PPARGC1A: variants seen among roughly 807,000 people sequenced by gnomAD.
The protein encoded by PPARGC1A is PPARG coactivator 1 alpha, also known as peroxisome proliferator-activated receptor gamma coactivator 1-alpha.
In PPARGC1A, 25 loss-of-function variants were observed where a neutral mutation model predicts 88.7. That is an observed-to-expected ratio of 0.28 (90% confidence interval 0.21 to 0.39). PPARGC1A has a LOEUF of 0.39. PPARGC1A is among the 10% of genes least tolerant of loss of function. The pLI, the probability that PPARGC1A is intolerant of heterozygous loss-of-function variation, is 1.00. For synonymous variants in PPARGC1A, 363 were observed against 355.6 expected (o/e 1.02, Z -0.24); for missense variants, 880 against 968.7 (o/e 0.91, Z 1.22).
chr4:24,292,249 G>A, the PPARGC1A span, among the ~76,000 whole-genome samples: 9 of 152,072 alleles, frequency 5.9e-5, no homozygotes, highest in Non-Finnish European at 1.2e-4. Context: ...CACTGCGAGC[G>A]AGAACTCTCG....
At chr4:23,992,081 T>A in the PPARGC1A span, among the ~76,000 whole-genome samples, 3 of 152,144 alleles carry the variant, frequency 2.0e-5, no homozygotes, top group East Asian at 3.9e-4. Context: ...TAAATAATTA[T>A]TGCATCAATT....
At chr4:24,460,332 T>C in the PPARGC1A span, among the ~76,000 whole-genome samples, 1 of 152,190 alleles carries the variant, frequency 6.6e-6, no homozygotes, top group Non-Finnish European at 1.5e-5. Context: ...TCTTCCACCA[T>C]AATGATAATG....
chr4:24,006,464 A>G, the PPARGC1A span, among the ~76,000 whole-genome samples: 4 of 152,344 alleles, frequency 2.6e-5, no homozygotes, highest in African/African-American at 7.2e-5. Flanking sequence ...ATGACTTTGC[A>G]ATTTATGAGT....
the PPARGC1A span, among the ~76,000 whole-genome samples, chr4:24,215,865 T>C: frequency 1.2e-4 from 19 of 152,166 alleles, no homozygotes; most frequent in African/African-American, 3.9e-4. Context: ...TGCTCTCCTA[T>C]AGAGAGGGCA....
the PPARGC1A span, among the ~76,000 whole-genome samples, chr4:24,465,020 T>C: frequency 3.9e-5 from 6 of 152,216 alleles, no homozygotes; most frequent in African/African-American, 1.4e-4. Flanking sequence ...GCACACGCCA[T>C]CACACCTGGT....
the PPARGC1A span, among the ~76,000 whole-genome samples, chr4:24,405,324 C>G: frequency 6.6e-6 from 1 of 151,924 alleles, no homozygotes; most frequent in Non-Finnish European, 1.5e-5. Context: ...TCCCCTCCCC[C>G]CAAAAAGTTT....
chr4:24,350,932 C>T, the PPARGC1A span, among the ~76,000 whole-genome samples: 1 of 151,966 alleles, frequency 6.6e-6, no homozygotes, highest in East Asian at 1.9e-4. Context: ...GAGTTAGAGA[C>T]CAGCCTGGAT....
the PPARGC1A span, among the ~76,000 whole-genome samples, chr4:24,190,626 A>G: frequency 6.6e-6 from 1 of 152,212 alleles, no homozygotes; most frequent in Non-Finnish European, 1.5e-5. Flanking sequence ...ACTAGGTTTT[A>G]TTATTCCCAC....
chr4:24,302,396 G>T, the PPARGC1A span, among the ~76,000 whole-genome samples: 1 of 152,180 alleles, frequency 6.6e-6, no homozygotes, highest in South Asian at 2.1e-4. Context: ...TCCCTTCGCA[G>T]GCTGTGGTTA....
the PPARGC1A span, among the ~76,000 whole-genome samples, chr4:24,151,187 G>A: frequency 6.6e-6 from 1 of 152,184 alleles, no homozygotes; most frequent in Admixed American, 6.5e-5. Flanking sequence ...GACAAAAACT[G>A]GGTACCTAGT....
the PPARGC1A span, among the ~76,000 whole-genome samples, chr4:24,009,150 A>AAAGAGAG: frequency 1.5e-4 from 12 of 79,806 alleles, no homozygotes; most frequent in Admixed American, 2.9e-4. Context: ...AAAAAAAAAA[A>AAAGAGAG]AGAGAGAGAA....
chr4:23,901,357 A>C (rs1477354631), upstream of PPARGC1A, among the ~76,000 whole-genome samples: 1 of 144,754 alleles, frequency 6.9e-6, no homozygotes, highest in Non-Finnish European at 1.5e-5. Flanking sequence ...GCGACACAGC[A>C]AGACTCCGTC....
the PPARGC1A span, among the ~76,000 whole-genome samples, chr4:24,308,713 G>C: frequency 6.6e-6 from 1 of 152,196 alleles, no homozygotes; most frequent in South Asian, 2.1e-4. Context: ...AACAATTTGA[G>C]GTTGTGCATA....
the PPARGC1A span, among the ~76,000 whole-genome samples, chr4:24,254,709 T>TGATGC: frequency 6.6e-6 from 1 of 152,322 alleles, no homozygotes; most frequent in Non-Finnish European, 1.5e-5. Context: ...CTGCTGATGC[T>TGATGC]TTTCAACATC....
At chr4:24,208,533 T>TAC in the PPARGC1A span, among the ~76,000 whole-genome samples, 4 of 151,874 alleles carry the variant, frequency 2.6e-5, no homozygotes, top group East Asian at 7.8e-4. Flanking sequence ...CATGGAAAAA[T>TAC]ACACACGTTT....
chr4:23,829,780 T>C (rs1011928581), intron 3 of PPARGC1A, 195 bp from the exon 4 acceptor site: 1 of 359,464 alleles, frequency 2.8e-6, no homozygotes, highest in East Asian at 4.9e-5. Context: ...AGTTTGGCAT[T>C]ACACTACCAA....
chr4:23,922,494 G>C, the PPARGC1A span, among the ~76,000 whole-genome samples: 1 of 152,178 alleles, frequency 6.6e-6, no homozygotes, highest in African/African-American at 2.4e-5. Flanking sequence ...AAGAGAGTTG[G>C]TTTTATTAGT....
intron 10 of PPARGC1A, among the ~76,000 whole-genome samples, chr4:23,811,758 A>G (rs1006368613): frequency 6.6e-6 from 1 of 152,156 alleles, no homozygotes; most frequent in Non-Finnish European, 1.5e-5. Flanking sequence ...CACTGTCTAT[A>G]TGTCAAGTTA....
chr4:23,977,272 A>C, the PPARGC1A span, among the ~76,000 whole-genome samples: 2 of 152,268 alleles, frequency 1.3e-5, no homozygotes, highest in South Asian at 4.1e-4. Context: ...CCTAGTTCCC[A>C]CCTTCCTCTG....
Sources: allele counts gnomAD v4.1 joint callset (sites outside exome capture counted in the v4.1 genomes callset), GRCh38; gene constraint gnomAD v4.1.1; transcripts MANE v1.5; gene names NCBI Gene and HGNC (gene_info 2026-07-23, HGNC 2026-07-21).